LARP6: variants seen among roughly 807,000 people sequenced by gnomAD.
The protein encoded by LARP6 is La ribonucleoprotein 6, translational regulator, also known as la-related protein 6.
LARP6 carries 18 observed loss-of-function variants against 32.8 expected under a neutral mutation model. That is an observed-to-expected ratio of 0.55 (90% CI 0.38 to 0.81). LARP6 has a LOEUF of 0.81. Ranked by LOEUF, LARP6 falls within the 40% of genes least tolerant of loss-of-function variation. LARP6 has a pLI of 0.00. For synonymous variants in LARP6, 289 were observed against 267.2 expected, an observed-to-expected ratio of 1.08 and a Z score of -0.80; for missense variants, 598 against 663.1, an observed-to-expected ratio of 0.90 and a Z score of 1.08.
chr15:70,836,753 T>C (rs952898226), intron 1 of LARP6, among the ~76,000 whole-genome samples: 1 of 152,110 alleles, frequency 6.6e-6, no homozygotes, highest in South Asian at 2.1e-4. Flanking sequence ...GAGAACATCA[T>C]GTGAAGGCGA....
At chr15:70,853,865 T>C (rs1216432279) in intron 1 of LARP6, 24 bp downstream of exon 1, 1 of 1,253,676 alleles carries the variant, frequency 8.0e-7, no homozygotes, top group East Asian at 3.3e-5. Flanking sequence ...GGGGCCCACC[T>C]CCCGGGCCAG....
intron 1 of LARP6, chr15:70,851,665 CT>C: frequency 6.2e-7 from 1 of 1,614,054 alleles, no homozygotes; most frequent in Non-Finnish European, 8.5e-7. Context: ...GTGCTAGGTG[CT>C]GAAGATACAA....
intron 1 of LARP6, among the ~76,000 whole-genome samples, chr15:70,839,948 G>C (rs1445574674): frequency 6.6e-6 from 1 of 152,114 alleles, no homozygotes; most frequent in East Asian, 1.9e-4. Context: ...GGCATTATTG[G>C]CCCTGACATG....
At chr15:70,838,497 G>A (rs2032188890) in intron 1 of LARP6, among the ~76,000 whole-genome samples, 2 of 152,116 alleles carry the variant, frequency 1.3e-5, no homozygotes, top group South Asian at 4.1e-4. Flanking sequence ...CTAGGACCCT[G>A]TAATGGACTC....
At chr15:70,833,708 G>A (rs1455389127) in intron 2 of LARP6, among the ~76,000 whole-genome samples, 2 of 152,188 alleles carry the variant, frequency 1.3e-5, no homozygotes, top group African/African-American at 2.4e-5. Flanking sequence ...TATTTTGATA[G>A]GATTTGGAGA....
intron 1 of LARP6, among the ~76,000 whole-genome samples, chr15:70,839,969 T>A (rs142736995): frequency 6.6e-6 from 1 of 152,356 alleles, no homozygotes. Context: ...ATTGAGTTGT[T>A]GGGCCAGCTC....
chr15:70,833,740 C>T (rs556316402), intron 2 of LARP6, among the ~76,000 whole-genome samples: 67 of 152,326 alleles, frequency 4.4e-4, no homozygotes, highest in African/African-American at 1.6e-3. Context: ...AAATGCTTCT[C>T]TAAAGCAGTA....
intron 1 of LARP6, among the ~76,000 whole-genome samples, chr15:70,840,528 G>A (rs1241243798): frequency 6.6e-6 from 1 of 152,136 alleles, no homozygotes; most frequent in Non-Finnish European, 1.5e-5. Context: ...TGACAAGAGC[G>A]AAACTCCGTC....
At chr15:70,851,480 A>G (rs929854283) in intron 1 of LARP6, 1 of 1,365,438 alleles carries the variant, frequency 7.3e-7, no homozygotes, top group African/African-American at 1.4e-5. Flanking sequence ...GTTCCCTTAT[A>G]TAAGCTAGGT....
chr15:70,835,914 G>T (rs2032138501), intron 2 of LARP6, among the ~76,000 whole-genome samples: 3 of 152,184 alleles, frequency 2.0e-5, no homozygotes, highest in Non-Finnish European at 4.4e-5. Context: ...CTTGACAAAT[G>T]AAAAGCTTGA....
At position 70,831,555 on chromosome 15, in the gene LARP6, T is replaced by G; in HGVS notation, c.*497A>C. 6.6e-6 allele frequency: 1 copy of G among 152,292 alleles called. No homozygotes were observed. Among genetic ancestry groups the G allele is most frequent in the Non-Finnish European group, 1.5e-5 (1 of 68,056 alleles). The allele number at this position is 152,292 out of a possible 1,614,324, so 9.4% of individuals were successfully genotyped here. A position where few individuals can be genotyped will look rare whatever the true frequency, so the allele number is the denominator to read the frequency against. On this transcript the variant is annotated 3_prime_UTR_variant, in exon 3 of 3. Coordinates refer to ENST00000299213, the MANE Select transcript of LARP6 (RefSeq NM_018357.4). ...CTCAAAGTCAGCACTCCCAGTTGGG[T>G]GTTTTATTATTTATTTACTTGACAG...
At position 70,832,450 on chromosome 15, in the gene LARP6, T is replaced by A; in HGVS notation, c.1078A>T (p.Lys360Ter). The A allele has an allele frequency of 1.9e-6, 3 of 1,561,728 alleles. No individual in the cohort carries two copies. Among genetic ancestry groups the A allele is most frequent in the Non-Finnish European group, 2.6e-6 (3 of 1,156,832 alleles). The change falls in exon 3 of 3, where the codon AAG becomes TAG. Residue 360 changes from lysine to a stop codon, truncating the protein, a stop_gained. Transcript: ENST00000299213. LOFTEE classifies it high-confidence loss of function. ...MAGRRHAATN[K>*]LSPSGHQNLF... ...TTCTGGTGGCCAGACGGGCTGAGCT[T>A]GTTGGTGGCCGCGTGCCGTCGGCCC... is the stretch of plus-strand genomic sequence containing the variant.
chr15:70,837,345 T>C (rs918423962), intron 1 of LARP6, among the ~76,000 whole-genome samples: 4 of 152,158 alleles, frequency 2.6e-5, no homozygotes, highest in Non-Finnish European at 5.9e-5. Flanking sequence ...ATTGCACCAC[T>C]GTACCCCAGA....
At chr15:70,838,924 A>AAAAAG (rs1329454784) in intron 1 of LARP6, among the ~76,000 whole-genome samples, 30 of 151,740 alleles carry the variant, frequency 2.0e-4, no homozygotes, top group East Asian at 3.9e-4. Flanking sequence ...AAAAAAAAAA[A>AAAAAG]AAAGAAAAGA....
In LARP6 at chr15:70,840,454, C is replaced by T. The variant is rs189164616; in HGVS notation, c.201-3949G>A. Among the ~76,000 whole-genome samples, 13 of 152,216 alleles carry T rather than the reference C, an allele frequency of 8.5e-5. No homozygotes were observed. In the East Asian group the frequency reaches 1.9e-3, roughly 23 times the overall value. ...ACTCAGGAGGCTGAGGCAAGAGAAT[C>T]GCTTGAACCCGGCGGGCGGAGGTTG... is the stretch of plus-strand genomic sequence containing the variant. On this transcript the variant is annotated intron_variant, in intron 1 of 2. Coordinates refer to ENST00000299213, the MANE Select transcript of LARP6 (RefSeq NM_018357.4).
At chr15:70,840,912 C>CTT (rs71438504) in intron 1 of LARP6, among the ~76,000 whole-genome samples, 1,740 of 139,478 alleles carry the variant, frequency 0.012, 14 homozygotes, top group South Asian at 0.031. Flanking sequence ...TCTTTTCTCT[C>CTT]TTTTTTTTTT....
chr15:70,836,198 C>T (rs954539283), intron 2 of LARP6, 97 bp downstream of exon 2: 13 of 950,346 alleles, frequency 1.4e-5, no homozygotes, highest in African/African-American at 4.9e-5. Context: ...AAAAATTGTT[C>T]GTCATCAGGT....
In LARP6 at chr15:70,831,941, T is replaced by C. The variant is rs1207664231; in HGVS notation, c.*111A>G. 1.3e-6 allele frequency: 1 copy of C among 758,558 alleles called. No individual in the cohort carries two copies. Among genetic ancestry groups the C allele is most frequent in the Non-Finnish European group, 2.1e-6 (1 of 474,996 alleles). The allele number at this position is 758,558 out of a possible 1,614,324, so 47.0% of individuals were successfully genotyped here. ...AGATAAATTAAGAGGTCTACATGAA[T>C]AAAAAATCTCTCAAAGGGGAACGAA... On this transcript the variant is annotated 3_prime_UTR_variant, in exon 3 of 3. Coordinates refer to ENST00000299213, the MANE Select transcript of LARP6 (RefSeq NM_018357.4).
rs1567019621 is a variant in LARP6 at position 70,832,451 on chromosome 15, GT to G, written c.1076del (p.Asn359ThrfsTer13). 1 of 1,560,916 alleles carries G rather than the reference GT, an allele frequency of 6.4e-7. No individual in the cohort carries two copies. The highest frequency in any genetic ancestry group is 8.6e-7 in the Non-Finnish European group (1 of 1,156,448). Reference protein sequence around the residue: ...PMAGRRHAATNKLSPSGHQNL... With the variant: ...PMAGRRHAATXKLSPSGHQNL... ...TCTGGTGGCCAGACGGGCTGAGCTT[GT>G]TGGTGGCCGCGTGCCGTCGGCCCGC... On this transcript the variant is annotated frameshift_variant, in exon 3 of 3. Transcript: ENST00000299213. LOFTEE classifies it high-confidence loss of function.
Sources: gnomAD v4.1 joint callset for allele counts (sites outside exome capture counted in the v4.1 genomes callset) on GRCh38, gnomAD v4.1.1 for gene constraint, MANE v1.5 for transcripts, NCBI Gene and HGNC (gene_info 2026-07-23, HGNC 2026-07-21) for gene names.